Variants in ZNF260 observed in about 807,000 individuals in gnomAD.
The protein encoded by ZNF260 is zinc finger protein 260.
A neutral mutation model predicts 29.3 loss-of-function variants in ZNF260; 21 were observed. That is an observed-to-expected ratio of 0.72 (90% CI 0.51 to 1.03). The LOEUF (loss-of-function observed/expected upper bound fraction) is 1.03, where lower values mean the gene tolerates loss of function less well. ZNF260 is among the 50% of genes least tolerant of loss of function. The pLI is 0.00. For synonymous variants in ZNF260, 156 were observed against 156.8 expected (o/e 0.99, Z 0.04); for missense variants, 465 against 487.8 (o/e 0.95, Z 0.44).
intron 2 of ZNF260, among the ~76,000 whole-genome samples, chr19:36,524,379 C>G (rs936514223): frequency 1.3e-5 from 2 of 151,884 alleles, no homozygotes; most frequent in Non-Finnish European, 2.9e-5. Flanking sequence ...CGGGGTTTCA[C>G]CGTGTTAGCC....
rs759909978 is a variant in ZNF260 at position 36,514,328 on chromosome 19, T to C, written c.911A>G (p.Tyr304Cys). 32 of 1,614,178 alleles carry C rather than the reference T, an allele frequency of 2.0e-5. 1 individual carries two copies. The South Asian group carries it at 3.3e-4, about 17-fold the overall frequency. ...HHNIHTGEKP[Y>C]ECNKCGKAFS... is the part of the protein sequence containing the mutation. ...GGCTTTTCCACATTTATTACATTCA[T>C]AGGGTTTCTCTCCTGTATGAATATT... The change falls in exon 3 of 3, where the codon TAT (tyrosine) becomes TGT (cysteine). Residue 304 changes from tyrosine to cysteine, a missense_variant. By Grantham distance (194) the Tyr-to-Cys change is radical (BLOSUM62 -2). Transcript: ENST00000523638.
In ZNF260 at chr19:36,512,234, A is replaced by G. The variant is rs533073228; in HGVS notation, c.*1766T>C. 3.3e-5 allele frequency: 5 copies of G among 152,296 alleles called. No homozygotes were observed. The East Asian group carries it at 9.6e-4, about 29-fold the overall frequency. 9.4% of individuals were successfully genotyped at this position (152,296 alleles called of 1,614,324 possible). A position where few individuals can be genotyped will look rare whatever the true frequency, so the allele number is the denominator to read the frequency against. On this transcript the variant is annotated 3_prime_UTR_variant, in exon 3 of 3. Coordinates refer to ENST00000523638, the MANE Select transcript of ZNF260 (RefSeq NM_001166037.2). ...TTAAAAATTATTTCATATTTTAAAG[A>G]TAAGATTTTAGAAATATCTTCTACA...
chr19:36,523,329 C>G (rs187132210), intron 2 of ZNF260, among the ~76,000 whole-genome samples: 1 of 152,252 alleles, frequency 6.6e-6, no homozygotes, highest in African/African-American at 2.4e-5. Flanking sequence ...GCTACTTTAG[C>G]TTTCAACTCT....
chr19:36,518,243 C>T (rs2034585591), intron 2 of ZNF260: 1 of 152,094 alleles, frequency 6.6e-6, no homozygotes, highest in South Asian at 2.1e-4. Flanking sequence ...CAGTGAAAAC[C>T]ACCATTTCAT....
chr19:36,525,361 C>T lies in ZNF260; in HGVS notation c.-668G>A, dbSNP rs2034717020. ...AGGTTTTGCAGCTCCTGTGGATATA[C>T]AAGGAAGCAGGCCTGTGAAAAAGAA... On this transcript the variant is annotated 5_prime_UTR_variant, in exon 2 of 3. Coordinates refer to ENST00000523638, the MANE Select transcript of ZNF260 (RefSeq NM_001166037.2). The T allele has an allele frequency of 6.6e-6, 1 of 152,192 alleles. No homozygotes were observed. Among genetic ancestry groups the T allele is most frequent in the Non-Finnish European group, 1.5e-5 (1 of 68,054 alleles). 9.4% of individuals were successfully genotyped at this position (152,192 alleles called of 1,614,324 possible).
At position 36,514,743 on chromosome 19, in the gene ZNF260, A is replaced by AT; in HGVS notation, c.495dup (p.Cys166MetfsTer2). 1 of 1,613,670 alleles carries AT rather than the reference A, an allele frequency of 6.2e-7. No homozygotes were observed. Among genetic ancestry groups the AT allele is most frequent in the Non-Finnish European group, 8.5e-7 (1 of 1,180,010 alleles). On this transcript the variant is annotated frameshift_variant, in exon 3 of 3. Transcript: ENST00000523638. LOFTEE classifies it high-confidence loss of function. ...CTGAAGGCTCTTCCACACTGATTAC[A>AT]TTCAAATGGTTTTTCTCCAGTATGA...
rs536026533 is a variant in ZNF260 at position 36,513,653 on chromosome 19, G to T, written c.*347C>A. 5 of 415,706 alleles carry T rather than the reference G, an allele frequency of 1.2e-5. No individual in the cohort carries two copies. The highest frequency in any genetic ancestry group is 2.1e-5 in the Non-Finnish European group (5 of 234,280). The allele number at this position is 415,706 out of a possible 1,614,324, so 25.8% of individuals were successfully genotyped here. On this transcript the variant is annotated 3_prime_UTR_variant, in exon 3 of 3. Coordinates refer to ENST00000523638, the MANE Select transcript of ZNF260 (RefSeq NM_001166037.2). ...ATATGTAGCAAAACATCACAAAAAT[G>T]ATAATTTTGTCTCTTAATTTCAAAT...
At position 36,515,165 on chromosome 19, in the gene ZNF260, T is replaced by A. The variant is rs1205935570; in HGVS notation, c.74A>T (p.Lys25Ile). The A allele has an allele frequency of 3.7e-6, 6 of 1,613,166 alleles. No individual in the cohort carries two copies. In the Admixed American group the frequency reaches 1.0e-4, roughly 27 times the overall value. The change falls in exon 3 of 3, where the codon AAA (lysine) becomes ATA (isoleucine). Residue 25 changes from lysine to isoleucine, a missense_variant. By Grantham distance (102) the Lys-to-Ile change is moderately radical (BLOSUM62 -3). Transcript: ENST00000523638. ...TCTACATTCATTACATTCATAAGGT[T>A]TCTCTCCAGTATGAATTTGATCATG... ...LQHDQIHTGEKPYECNECRKT... is the reference protein window; with the variant it reads ...LQHDQIHTGEIPYECNECRKT...
At chr19:36,522,541 A>G (rs2034663488) in intron 2 of ZNF260, among the ~76,000 whole-genome samples, 1 of 152,176 alleles carries the variant, frequency 6.6e-6, no homozygotes, top group Admixed American at 6.5e-5. Flanking sequence ...GGCCATGTTT[A>G]TTTATTTTCT....
At position 36,514,085 on chromosome 19, in the gene ZNF260, T is replaced by C. The variant is rs754385676; in HGVS notation, c.1154A>G (p.Glu385Gly). The C allele has an allele frequency of 1.2e-6, 2 of 1,614,156 alleles. No homozygotes were observed. The highest frequency in any genetic ancestry group is 2.2e-5 in the East Asian group (1 of 44,874). ...ACATTCACTACACTGATAAGGTTTT[T>C]CACCAGTATGGATTCTCATGTGCAG... ...LALHMRIHTG[E>G]KPYQCSECGK... The change falls in exon 3 of 3, where the codon GAA becomes GGA. Residue 385 changes from glutamate (E) to glycine (G), a missense_variant. Glu to Gly is a moderately conservative substitution (Grantham distance 98). Coordinates refer to ENST00000523638, the MANE Select transcript of ZNF260 (RefSeq NM_001166037.2).
Position 36,514,743 on chromosome 19 carries a change from A to G in ZNF260, c.496T>C (p.Cys166Arg), listed in dbSNP as rs1034736588. The G allele has an allele frequency of 1.5e-5, 24 of 1,613,552 alleles. No individual in the cohort carries two copies. Among genetic ancestry groups the G allele is most frequent in the Non-Finnish European group, 1.9e-5 (23 of 1,180,018 alleles). ...CTGAAGGCTCTTCCACACTGATTACATTCAAATGGTTTTTCTCCAGTATGA... is the reference window on the plus strand; with the variant it reads ...CTGAAGGCTCTTCCACACTGATTACGTTCAAATGGTTTTTCTCCAGTATGA... ...KIHTGEKPFE[C>R]NQCGRAFSQK... The change falls in exon 3 of 3, where the codon TGT becomes CGT. Residue 166 changes from cysteine (C) to arginine (R), a missense_variant. Coordinates refer to ENST00000523638, the MANE Select transcript of ZNF260 (RefSeq NM_001166037.2).
At chr19:36,522,612 A>G (rs1181161864) in intron 2 of ZNF260, among the ~76,000 whole-genome samples, 1 of 152,160 alleles carries the variant, frequency 6.6e-6, no homozygotes, top group Admixed American at 6.5e-5. Context: ...GAGACCCTGT[A>G]GCCTACAAAG....
Position 36,513,735 on chromosome 19 carries a change from TA to T in ZNF260, c.*264del. On this transcript the variant is annotated 3_prime_UTR_variant, in exon 3 of 3. Coordinates refer to ENST00000523638, the MANE Select transcript of ZNF260 (RefSeq NM_001166037.2). ...ATCTGTAGGCCTTCCAGGAACACAT[TA>T]AGTAGTGTCCATGACTAGATCCTAA... The T allele has an allele frequency of 2.0e-6, 1 of 490,094 alleles. No homozygotes were observed. The highest frequency in any genetic ancestry group is 3.5e-5 in the Admixed American group (1 of 28,612). The allele number at this position is 490,094 out of a possible 1,614,324, so 30.4% of individuals were successfully genotyped here. A position where few individuals can be genotyped will look rare whatever the true frequency, so the allele number is the denominator to read the frequency against.
Position 36,511,751 on chromosome 19 carries a change from C to T in ZNF260, c.*2249G>A, listed in dbSNP as rs1337439953. The T allele has an allele frequency of 6.6e-6, 1 of 151,942 alleles. No homozygotes were observed. The highest frequency in any genetic ancestry group is 2.4e-5 in the African/African-American group (1 of 41,360). The allele number at this position is 151,942 out of a possible 1,614,324, so 9.4% of individuals were successfully genotyped here. A position where few individuals can be genotyped will look rare whatever the true frequency, so the allele number is the denominator to read the frequency against. ...AAAAGATTTGCTTCAAATAAGAGAA[C>T]ACTGTTTAGGTGGAAGATCTCCTTT... On this transcript the variant is annotated 3_prime_UTR_variant, in exon 3 of 3. Coordinates refer to ENST00000523638, the MANE Select transcript of ZNF260 (RefSeq NM_001166037.2).
intron 2 of ZNF260, among the ~76,000 whole-genome samples, chr19:36,524,521 T>TTTTTTTTTTTTTTTTTA: frequency 9.5e-6 from 1 of 105,644 alleles, no homozygotes; most frequent in Admixed American, 8.8e-5. Flanking sequence ...ATGCTAGTTT[T>TTTTTTTTTTTTTTTTTA]TTTTTTTTTT....
At position 36,511,905 on chromosome 19, in the gene ZNF260, A is replaced by G. The variant is rs2034458184; in HGVS notation, c.*2095T>C. Reference sequence around the variant, plus strand: ...AATCCAGGAGTTAATGTTTTCCTCAATGGCTTATAAAAAAATTGAAGAGTG... The same window carrying G: ...AATCCAGGAGTTAATGTTTTCCTCAGTGGCTTATAAAAAAATTGAAGAGTG... On this transcript the variant is annotated 3_prime_UTR_variant, in exon 3 of 3. Transcript: ENST00000523638. 1 of 152,178 alleles carries G rather than the reference A, an allele frequency of 6.6e-6. No individual in the cohort carries two copies. Among genetic ancestry groups the G allele is most frequent in the African/African-American group, 2.4e-5 (1 of 41,460 alleles). The allele number at this position is 152,178 out of a possible 1,614,324, so 9.4% of individuals were successfully genotyped here. A position where few individuals can be genotyped will look rare whatever the true frequency, so the allele number is the denominator to read the frequency against.
At chr19:36,517,696 A>G (rs1371585527) in intron 2 of ZNF260, among the ~76,000 whole-genome samples, 1 of 152,222 alleles carries the variant, frequency 6.6e-6, no homozygotes, top group Non-Finnish European at 1.5e-5. Context: ...ATGACCAGCA[A>G]AGTAATGAGA....
rs1269064265 is a variant in ZNF260, at chr19:36,512,886, T to C, written c.*1114A>G. On this transcript the variant is annotated 3_prime_UTR_variant, in exon 3 of 3. Coordinates refer to ENST00000523638, the MANE Select transcript of ZNF260 (RefSeq NM_001166037.2). The stretch of plus-strand genomic sequence containing the variant: ...AGCTATAGACCAGTACATGACTCCC[T>C]GTGTTCATGTTTCTTGGGTAGATGC... The C allele has an allele frequency of 6.6e-6, 1 of 152,166 alleles. No homozygotes were observed. Among genetic ancestry groups the C allele is most frequent in the South Asian group, 2.1e-4 (1 of 4,834 alleles). 9.4% of individuals were successfully genotyped at this position (152,166 alleles called of 1,614,324 possible).
intron 2 of ZNF260, among the ~76,000 whole-genome samples, chr19:36,524,594 T>C (rs558239447): frequency 2.0e-4 from 27 of 135,842 alleles, no homozygotes; most frequent in African/African-American, 6.9e-4. Context: ...AGGACAATAG[T>C]GGAGGGAAGG....
Sources: gnomAD v4.1 joint callset for allele counts (sites outside exome capture counted in the v4.1 genomes callset) on GRCh38, gnomAD v4.1.1 for gene constraint, MANE v1.5 for transcripts, NCBI Gene and HGNC (gene_info 2026-07-23, HGNC 2026-07-21) for gene names.